DNAAF1: variants seen among roughly 807,000 people sequenced by gnomAD.
The protein encoded by DNAAF1 is dynein assembly factor 1, axonemal.
DNAAF1 carries 65 observed loss-of-function variants against 71.1 expected under a neutral mutation model. The observed-to-expected ratio is 0.91, with a 90% CI of 0.75 to 1.12. The LOEUF (loss-of-function observed/expected upper bound fraction) is 1.12. DNAAF1 is among the 50% of genes most tolerant of loss of function. The probability of loss-of-function intolerance (pLI) is 0.00; values close to 1 mark genes in which losing one functional copy is unlikely to be tolerated. For synonymous variants in DNAAF1, 414 were observed against 354.6 expected, an observed-to-expected ratio of 1.17 and a Z score of -1.88; for missense variants, 1,178 against 899.8, an observed-to-expected ratio of 1.31 and a Z score of -3.96.
chr16:84,172,787 T>TG (rs2088436079), intron 9 of DNAAF1: 3 of 1,073,864 alleles, frequency 2.8e-6, no homozygotes, highest in Non-Finnish European at 3.4e-6. Flanking sequence ...TTGTATCTTT[T>TG]CCCCCCTCCG....
chr16:84,170,311 C>G lies in DNAAF1; in HGVS notation c.1483C>G (p.Pro495Ala), dbSNP rs1196192172. The G allele has an allele frequency of 6.2e-7, 1 of 1,611,920 alleles. No homozygotes were observed. ...DGDREPEGTL[P>A]AEAPPPPPLG... The stretch of plus-strand genomic sequence containing the variant: ...AGATCGAGAGCCAGAGGGGACCCTC[C>G]CAGCTGAGGCCCCACCACCACCGCC... Residue 495 changes from proline to alanine, a missense_variant, in exon 8 of 12, where the codon CCA becomes GCA. Transcript: ENST00000378553.
chr16:84,173,876 G>A (rs116309193), intron 9 of DNAAF1: 7,120 of 152,368 alleles, frequency 0.047, 205 homozygotes, highest in Middle Eastern at 0.13. Flanking sequence ...AAAAAGAAAG[G>A]GACATAATTG....
chr16:84,146,492 G>A (rs1315915822), intron 1 of DNAAF1, among the ~76,000 whole-genome samples: 1 of 152,106 alleles, frequency 6.6e-6, no homozygotes, highest in Non-Finnish European at 1.5e-5. Flanking sequence ...AGAGGCAGGT[G>A]GGTCACCTGA....
intron 8 of DNAAF1, among the ~76,000 whole-genome samples, chr16:84,171,631 C>G (rs1011057747): frequency 6.6e-6 from 1 of 152,106 alleles, no homozygotes; most frequent in Admixed American, 6.6e-5. Flanking sequence ...GGCTGTGAAG[C>G]CTGCCCCTCC....
intron 11 of DNAAF1, 25 bp from the exon 12 acceptor site, chr16:84,177,704 G>C (rs1363294162): frequency 1.3e-6 from 2 of 1,598,238 alleles, no homozygotes; most frequent in Admixed American, 3.3e-5. Context: ...CAGGGAGAAA[G>C]CACAGGTCAC....
At chr16:84,151,510 G>T (rs1301254649) in intron 3 of DNAAF1, among the ~76,000 whole-genome samples, 1 of 152,194 alleles carries the variant, frequency 6.6e-6, no homozygotes, top group Non-Finnish European at 1.5e-5. Context: ...TAAGAGGTGG[G>T]AAGAAGAAAG....
At chr16:84,172,152 C>T (rs1018214042) in intron 8 of DNAAF1, 108 bp from the exon 9 acceptor site, 22 of 1,029,014 alleles carry the variant, frequency 2.1e-5, no homozygotes, top group African/African-American at 2.1e-4. Context: ...GTTGGGATTA[C>T]AGGCATGAGC....
chr16:84,161,971 G>A (rs542590810), intron 6 of DNAAF1, among the ~76,000 whole-genome samples: 116 of 152,260 alleles, frequency 7.6e-4, no homozygotes, highest in Non-Finnish European at 1.1e-3. Flanking sequence ...CCTCTAGAAT[G>A]GTGACTGGCA....
intron 7 of DNAAF1, among the ~76,000 whole-genome samples, chr16:84,169,113 C>T (rs941922382): frequency 5.0e-4 from 61 of 123,094 alleles, no homozygotes; most frequent in African/African-American, 1.6e-3. Flanking sequence ...TTTAGAGAGT[C>T]TCACTTCATC....
chr16:84,168,231 C>T (rs1017714353), intron 7 of DNAAF1, among the ~76,000 whole-genome samples: 2 of 152,144 alleles, frequency 1.3e-5, no homozygotes, highest in African/African-American at 4.8e-5. Flanking sequence ...TCCATGCCAG[C>T]AGTGTGGCAT....
chr16:84,159,415 A>G (rs2087596431), intron 5 of DNAAF1, among the ~76,000 whole-genome samples: 2 of 152,206 alleles, frequency 1.3e-5, no homozygotes, highest in Non-Finnish European at 2.9e-5. Flanking sequence ...GTTTTCCAGT[A>G]TTGTTCTGGA....
At chr16:84,153,958 C>A (rs1339414445) in intron 3 of DNAAF1, among the ~76,000 whole-genome samples, 5 of 152,162 alleles carry the variant, frequency 3.3e-5, no homozygotes, top group Middle Eastern at 3.4e-3. Flanking sequence ...TTCAGCAAGA[C>A]CCCCTAGGAT....
At position 84,154,590 on chromosome 16, in the gene DNAAF1, T is replaced by C; in HGVS notation, c.366T>C (p.Ile122=). ...LYLHFKGFDR[I]ENLEEYTGLR... is the part of the protein sequence containing the mutation. ...CCTTTTTGTTAGGTTTTGATCGCATTGAGAACCTGGAAGAGTACACAGGGC... is the reference window on the plus strand; with the variant it reads ...CCTTTTTGTTAGGTTTTGATCGCATCGAGAACCTGGAAGAGTACACAGGGC... The change falls in exon 4 of 12, where the codon ATT becomes ATC. Residue 122 remains isoleucine (I), a synonymous_variant. Coordinates refer to ENST00000378553, the MANE Select transcript of DNAAF1 (RefSeq NM_178452.6). 3.1e-6 allele frequency: 5 copies of C among 1,614,120 alleles called. No individual in the cohort carries two copies. The highest frequency in any genetic ancestry group is 4.2e-6 in the Non-Finnish European group (5 of 1,180,016).
rs113273972 is a variant in DNAAF1, at chr16:84,148,963, C to T, written c.125-44C>T. 1.4e-3 allele frequency: 2,251 copies of T among 1,610,508 alleles called. 30 individuals are homozygous for T. The African/African-American group carries it at 0.025, about 18-fold the overall frequency. Reference sequence around the variant, plus strand: ...AGCTGAAGTTGGGGGTATTTTTTGGCATATATCTTGATCTCTACAGACCTG... The same window carrying T: ...AGCTGAAGTTGGGGGTATTTTTTGGTATATATCTTGATCTCTACAGACCTG... On this transcript the variant is annotated intron_variant, in intron 1 of 11. Coordinates refer to ENST00000378553, the MANE Select transcript of DNAAF1 (RefSeq NM_178452.6).
At position 84,148,596 on chromosome 16, in the gene DNAAF1, C is replaced by CTTTTTTTTTTTTTTTTTTT; in HGVS notation, c.125-393_125-392insTTTTTTTTTTTTTTTTTTT. The stretch of plus-strand genomic sequence containing the variant: ...AAAGATTACTGTTCTCTCTCTCTCT[C>CTTTTTTTTTTTTTTTTTTT]TTTTTTTTTTTTTTTTTTGGTGAGA... On this transcript the variant is annotated intron_variant, in intron 1 of 11. Transcript: ENST00000378553. Among the ~76,000 whole-genome samples, 119 of 43,552 alleles carry CTTTTTTTTTTTTTTTTTTT rather than the reference C, an allele frequency of 2.7e-3. 7 individuals carry two copies. The highest frequency in any genetic ancestry group is 3.9e-3 in the Non-Finnish European group (93 of 24,072). 28.6% of individuals were successfully genotyped at this position (43,552 alleles called of 152,430 possible).
rs2088260533 is a variant in DNAAF1 at position 84,170,295 on chromosome 16, G to A, written c.1467G>A (p.Glu489=). ...VKVKGEDGDR[E]PEGTLPAEAP... The stretch of plus-strand genomic sequence containing the variant: ...TTAAAGGAGAGGATGGAGATCGAGA[G>A]CCAGAGGGGACCCTCCCAGCTGAGG... Residue 489 remains glutamate, a synonymous_variant, in exon 8 of 12, where the codon GAG becomes GAA. Transcript: ENST00000378553. 1.2e-6 allele frequency: 2 copies of A among 1,612,232 alleles called. No homozygotes were observed. Among genetic ancestry groups the A allele is most frequent in the Non-Finnish European group, 1.7e-6 (2 of 1,179,292 alleles).
chr16:84,159,570 G>A (rs1194027175), intron 5 of DNAAF1, 105 bp from the exon 6 acceptor site: 3 of 1,461,878 alleles, frequency 2.1e-6, no homozygotes, highest in East Asian at 5.1e-5. Flanking sequence ...CTTCTATTTT[G>A]CTCAAAAAAT....
chr16:84,152,815 G>T (rs552080142), intron 3 of DNAAF1, among the ~76,000 whole-genome samples: 1 of 152,104 alleles, frequency 6.6e-6, no homozygotes, highest in Non-Finnish European at 1.5e-5. Context: ...TTAGCCAGGT[G>T]TGGTGATGGC....
intron 9 of DNAAF1, 113 bp downstream of exon 9, chr16:84,172,488 G>A: frequency 6.6e-7 from 1 of 1,523,990 alleles, no homozygotes; most frequent in East Asian, 2.5e-5. Flanking sequence ...CCTTGGGCCG[G>A]CAGGCCTGGC....
Sources: gnomAD v4.1 joint callset for allele counts (sites outside exome capture counted in the v4.1 genomes callset) on GRCh38, gnomAD v4.1.1 for gene constraint, MANE v1.5 for transcripts, NCBI Gene and HGNC (gene_info 2026-07-23, HGNC 2026-07-21) for gene names.